DCDC1: variants seen among roughly 807,000 people sequenced by gnomAD.
DCDC1 encodes the protein doublecortin domain-containing protein 1.
DCDC1 carries 200 observed loss-of-function variants against 178.3 expected under a neutral mutation model. The ratio of observed to expected loss-of-function variants is 1.12; its 90% CI spans 1.00 to 1.26. The LOEUF (loss-of-function observed/expected upper bound fraction) is 1.26, where lower values mean the gene tolerates loss of function less well. DCDC1 is among the 50% of genes most tolerant of loss of function. DCDC1 has a pLI of 0.00. For missense variants in DCDC1, 1,983 were observed against 1,749.2 expected, an observed-to-expected ratio of 1.13 and a Z score of -2.38; for synonymous variants, 690 against 604.8, an observed-to-expected ratio of 1.14 and a Z score of -2.07.
intron 20 of DCDC1, among the ~76,000 whole-genome samples, chr11:30,957,512 G>A (rs1351084596): frequency 1.3e-5 from 2 of 152,090 alleles, no homozygotes; most frequent in Admixed American, 6.6e-5. Flanking sequence ...CTTCTGACCT[G>A]GCAGACCCAA....
At position 30,925,428 on chromosome 11, in the gene DCDC1, A is replaced by C. The variant is rs1946530668; in HGVS notation, c.2898-20T>G. 1 of 1,608,834 alleles carries C rather than the reference A, an allele frequency of 6.2e-7. No homozygotes were observed. ...GTGCACCTGTAATAAAAGACACAAA[A>C]ATTGACCTTGCATACAGAAAGCTTC... On this transcript the variant is annotated intron_variant, in intron 22 of 38. Coordinates refer to ENST00000684477, the MANE Select transcript of DCDC1 (RefSeq NM_001387274.1).
chr11:31,309,284 G>A (rs1296387714), intron 3 of DCDC1, among the ~76,000 whole-genome samples: 1 of 152,076 alleles, frequency 6.6e-6, no homozygotes, highest in African/African-American at 2.4e-5. Flanking sequence ...CCTAGACTGA[G>A]TACAGTACTG....
chr11:31,201,942 GT>G (rs970823144), intron 9 of DCDC1, among the ~76,000 whole-genome samples: 11 of 151,978 alleles, frequency 7.2e-5, no homozygotes, highest in Non-Finnish European at 1.3e-4. Flanking sequence ...TACTTCTCAG[GT>G]TTTTTTTCTT....
rs200196165 is a variant in DCDC1, at chr11:31,263,112, G to A, written c.1054+2395C>T. On this transcript the variant is annotated intron_variant, in intron 8 of 38. Transcript: ENST00000684477. ...TAATTCTGTTATACCATATTTGGGA[G>A]GAGAAAAATAAACTTTCTAAATATA... The A allele has an allele frequency of 8.1e-6, 13 of 1,603,170 alleles. No individual in the cohort carries two copies. In the South Asian group the frequency reaches 1.3e-4, roughly 16 times the overall value.
chr11:31,263,181 C>T, intron 8 of DCDC1: 1 of 1,091,490 alleles, frequency 9.2e-7, no homozygotes, highest in Non-Finnish European at 1.3e-6. Flanking sequence ...TCAATTCTAG[C>T]AGTTCATTCA....
At chr11:31,150,865 C>A (rs773528061) in intron 9 of DCDC1, among the ~76,000 whole-genome samples, 4 of 152,138 alleles carry the variant, frequency 2.6e-5, no homozygotes, top group Non-Finnish European at 5.9e-5. Flanking sequence ...AAATTGCCAA[C>A]AGGCTACTAA....
intron 21 of DCDC1, among the ~76,000 whole-genome samples, chr11:30,934,519 G>A (rs144276010): frequency 1.4e-3 from 213 of 152,240 alleles, no homozygotes; most frequent in Non-Finnish European, 2.4e-3. Flanking sequence ...TCTCCCACAG[G>A]CTTACTGAAT....
intron 20 of DCDC1, among the ~76,000 whole-genome samples, chr11:30,980,613 C>T (rs1422114896): frequency 1.3e-5 from 2 of 152,068 alleles, no homozygotes; most frequent in African/African-American, 4.8e-5. Context: ...CATGGGCTTC[C>T]ATTTTTGTTT....
At chr11:31,277,453 G>T (rs1946076518) in intron 7 of DCDC1, among the ~76,000 whole-genome samples, 2 of 152,072 alleles carry the variant, frequency 1.3e-5, no homozygotes, top group African/African-American at 4.8e-5. Flanking sequence ...TGAGATTGCA[G>T]GATTGTATTT....
intron 10 of DCDC1, 34 bp from the exon 11 acceptor site, chr11:31,127,673 G>A: frequency 1.4e-6 from 1 of 695,966 alleles, no homozygotes; most frequent in Non-Finnish European, 2.6e-6. Flanking sequence ...TTGTTAGCGA[G>A]AAGTAATTGT....
At chr11:30,950,219 T>G (rs978770950) in intron 21 of DCDC1, among the ~76,000 whole-genome samples, 2 of 151,998 alleles carry the variant, frequency 1.3e-5, no homozygotes, top group African/African-American at 4.8e-5. Context: ...GAGAAACCTT[T>G]TCTCCCACCA....
At chr11:30,915,480 G>A (rs1316070800) in intron 27 of DCDC1, 31 bp downstream of exon 27, 1 of 1,611,412 alleles carries the variant, frequency 6.2e-7, no homozygotes, top group Non-Finnish European at 8.5e-7. Context: ...TTCACCTTTT[G>A]ATATAGTAAA....
intron 20 of DCDC1, among the ~76,000 whole-genome samples, chr11:31,041,769 A>T (rs1163755123): frequency 6.6e-6 from 1 of 152,178 alleles, no homozygotes; most frequent in Admixed American, 6.5e-5. Flanking sequence ...TTGTACCCTC[A>T]TAGTCTGATT....
intron 9 of DCDC1, among the ~76,000 whole-genome samples, chr11:31,220,669 A>G (rs1227186134): frequency 6.6e-6 from 1 of 152,222 alleles, no homozygotes; most frequent in Non-Finnish European, 1.5e-5. Flanking sequence ...TGATTTTACA[A>G]TTGATGTTAA....
chr11:31,289,670 G>A (rs1947083337), intron 7 of DCDC1, among the ~76,000 whole-genome samples: 1 of 152,012 alleles, frequency 6.6e-6, no homozygotes, highest in African/African-American at 2.4e-5. Context: ...TGCATATTAT[G>A]AGTCTCAAAA....
chr11:31,206,499 C>T (rs1008980237), intron 9 of DCDC1, among the ~76,000 whole-genome samples: 2 of 152,098 alleles, frequency 1.3e-5, no homozygotes, highest in Non-Finnish European at 1.5e-5. Context: ...CTGCAACCTC[C>T]GCCTCCCAGG....
At chr11:30,930,420 A>G (rs1200799342) in intron 22 of DCDC1, among the ~76,000 whole-genome samples, 1 of 152,116 alleles carries the variant, frequency 6.6e-6, no homozygotes, top group Non-Finnish European at 1.5e-5. Context: ...AAATTAAACT[A>G]TATGTAGTAG....
chr11:31,313,318 C>T (rs1345405748), intron 3 of DCDC1, among the ~76,000 whole-genome samples: 1 of 152,166 alleles, frequency 6.6e-6, no homozygotes, highest in Non-Finnish European at 1.5e-5. Flanking sequence ...ATTACTTACT[C>T]ATTACTTTCC....
chr11:30,883,246 A>T (rs1364995430), intron 36 of DCDC1: 1 of 165,036 alleles, frequency 6.1e-6, no homozygotes, highest in African/African-American at 2.4e-5. Flanking sequence ...GTAAGAAAGA[A>T]AAAAGACTCA....
Sources: gnomAD v4.1 joint callset for allele counts (sites outside exome capture counted in the v4.1 genomes callset) on GRCh38, gnomAD v4.1.1 for gene constraint, MANE v1.5 for transcripts, NCBI Gene and HGNC (gene_info 2026-07-23, HGNC 2026-07-21) for gene names.